TMEM164: variants seen among roughly 807,000 people sequenced by gnomAD.
The protein encoded by TMEM164 is RP13-360B22.2.
A neutral mutation model predicts 18.8 loss-of-function variants in TMEM164; 4 were observed. That is an observed-to-expected ratio of 0.21 (90% CI 0.10 to 0.49). TMEM164 has a LOEUF of 0.49. Ranked by LOEUF, TMEM164 falls within the 20% of genes least tolerant of loss-of-function variation. The pLI, the probability that TMEM164 is intolerant of heterozygous loss-of-function variation, is 0.98. For missense variants in TMEM164, 108 were observed against 239.9 expected (o/e 0.45, Z 3.63); for synonymous variants, 86 against 101.7 (o/e 0.85, Z 0.93).
intron 2 of TMEM164, among the ~76,000 whole-genome samples, chrX:110,028,982 T>C (rs184965922): frequency 2.5e-4 from 27 of 110,120 alleles, no homozygotes; most frequent in African/African-American, 9.3e-4. Flanking sequence ...TATTGTTACA[T>C]CTATTGATCA....
chrX:110,171,800 C>T (rs1006575371), intron 6 of TMEM164, among the ~76,000 whole-genome samples: 2 of 112,051 alleles, frequency 1.8e-5, no homozygotes, highest in African/African-American at 6.5e-5. Flanking sequence ...TGAGCTGCAA[C>T]TGGAAAGTGG....
chrX:110,124,508 C>T (rs1162158464), intron 4 of TMEM164, among the ~76,000 whole-genome samples: 1 of 110,449 alleles, frequency 9.1e-6, no homozygotes, highest in Non-Finnish European at 1.9e-5. Context: ...TTAGAAAGTC[C>T]AAGGAAAGAG....
intron 4 of TMEM164, among the ~76,000 whole-genome samples, chrX:110,141,571 C>T (rs2066771535): frequency 9.0e-6 from 1 of 111,582 alleles, no homozygotes; most frequent in Admixed American, 9.5e-5. Flanking sequence ...TTCACTACCA[C>T]CAGAACAGTA....
intron 3 of TMEM164, among the ~76,000 whole-genome samples, chrX:110,102,674 T>C (rs1342881386): frequency 1.8e-5 from 2 of 112,256 alleles, no homozygotes; most frequent in Non-Finnish European, 3.8e-5. Context: ...TACATGGTCT[T>C]ATTTTATTAA....
intron 2 of TMEM164, among the ~76,000 whole-genome samples, chrX:110,011,512 G>C (rs1470926539): frequency 1.3e-4 from 14 of 111,788 alleles, no homozygotes; most frequent in African/African-American, 4.6e-4. Flanking sequence ...GATGGAGGAA[G>C]GAAAGCAATT....
chrX:110,051,606 A>AAAGG lies in TMEM164; in HGVS notation c.391-15738_391-15737insGAAG. Among the ~76,000 whole-genome samples, 3 of 110,634 alleles carry AAAGG rather than the reference A, an allele frequency of 2.7e-5. No homozygotes were observed. In the Middle Eastern group the frequency reaches 0.014, roughly 519 times the overall value. On this transcript the variant is annotated intron_variant, in intron 2 of 6. Transcript: ENST00000372068. ...TTCAAAAAAAAAAAAAGAAAGAAAG[A>AAAGG]AAGAAAGAAAGAAAGAAAATCCAGT...
intron 2 of TMEM164, chrX:110,046,418 C>T (rs1935319489): frequency 2.7e-6 from 2 of 752,896 alleles, no homozygotes; most frequent in South Asian, 1.4e-4. Context: ...AAGACTGCCC[C>T]ACCTTGGCCT....
chrX:110,118,816 G>A (rs183159082), intron 4 of TMEM164, among the ~76,000 whole-genome samples: 1 of 111,582 alleles, frequency 9.0e-6, no homozygotes, highest in East Asian at 2.8e-4. Context: ...CAAAAATGGC[G>A]ACATTTGATT....
At chrX:110,124,269 G>A (rs1458602857) in intron 4 of TMEM164, among the ~76,000 whole-genome samples, 1 of 110,432 alleles carries the variant, frequency 9.1e-6, no homozygotes, top group African/African-American at 3.3e-5. Context: ...GAGGGAGAAA[G>A]GTACATCATA....
intron 2 of TMEM164, among the ~76,000 whole-genome samples, chrX:110,066,806 A>G (rs939380996): frequency 3.6e-5 from 4 of 111,833 alleles, no homozygotes; most frequent in African/African-American, 1.3e-4. Context: ...AAACAAAAGA[A>G]TCAATCAAAG....
chrX:110,085,944 T>C (rs1260444600), intron 3 of TMEM164, among the ~76,000 whole-genome samples: 1 of 112,255 alleles, frequency 8.9e-6, no homozygotes, highest in East Asian at 2.8e-4. Flanking sequence ...TCCAAATGGA[T>C]GTCCGGTTTG....
chrX:110,043,972 T>C (rs1935202653), intron 2 of TMEM164, among the ~76,000 whole-genome samples: 1 of 112,201 alleles, frequency 8.9e-6, no homozygotes, highest in Non-Finnish European at 1.9e-5. Flanking sequence ...ATAATATCCC[T>C]TGTGTGAAGG....
At chrX:110,180,330 C>T (rs930247574), downstream of TMEM164, among the ~76,000 whole-genome samples, 3 of 112,516 alleles carry the variant, frequency 2.7e-5, no homozygotes, top group African/African-American at 9.7e-5. Context: ...TGAGCTTTTC[C>T]CTTGTCCTGG....
intron 3 of TMEM164, among the ~76,000 whole-genome samples, chrX:110,092,744 C>A (rs769069134): frequency 2.7e-5 from 3 of 111,895 alleles, no homozygotes; most frequent in Admixed American, 9.5e-5. Flanking sequence ...TTCCAACACT[C>A]TGTTGAATAG....
chrX:110,144,950 C>T (rs773593265), intron 5 of TMEM164, 74 bp downstream of exon 5: 157 of 774,339 alleles, frequency 2.0e-4, no homozygotes, highest in Non-Finnish European at 2.9e-4. Flanking sequence ...GAGTCACAGC[C>T]TCTTGGGTGC....
Position 110,077,875 on chromosome X carries a change from G to A in TMEM164, c.440+10479G>A, listed in dbSNP as rs145018172. On this transcript the variant is annotated intron_variant, in intron 3 of 6. Transcript: ENST00000372068. ...GTAAGTGATCTGACCCTTTTGTCTA[G>A]CTGCCTTTAAGATTTTTTCTTTTTC... Among the ~76,000 whole-genome samples, 7 of 111,932 alleles carry A rather than the reference G, an allele frequency of 6.3e-5. No individual in the cohort carries two copies. The East Asian group carries it at 1.7e-3, about 27-fold the overall frequency.
In TMEM164 at chrX:110,003,700, C is replaced by G. The variant is rs1472361388; in HGVS notation, c.-75C>G. On this transcript the variant is annotated 5_prime_UTR_variant, in exon 2 of 7. Coordinates refer to ENST00000372068, the MANE Select transcript of TMEM164 (RefSeq NM_032227.4). ...TGTGCCCGCCTTACATGGTCCACCACCCGGGCAACCCTCTGGGCTTGTGTT... is the reference window on the plus strand; with the variant it reads ...TGTGCCCGCCTTACATGGTCCACCAGCCGGGCAACCCTCTGGGCTTGTGTT... The G allele has an allele frequency of 1.8e-6, 2 of 1,110,136 alleles. No homozygotes were observed. Among genetic ancestry groups the G allele is most frequent in the East Asian group, 6.1e-5 (2 of 32,971 alleles). 91.5% of individuals were successfully genotyped at this position (1,110,136 alleles called of 1,213,427 possible).
intron 2 of TMEM164, among the ~76,000 whole-genome samples, chrX:110,057,133 C>T (rs1269894907): frequency 9.0e-6 from 1 of 111,335 alleles, no homozygotes; most frequent in African/African-American, 3.3e-5. Context: ...CCAGGACTTA[C>T]TTGTCCTGGA....
At chrX:110,072,872 T>C (rs1252134886) in intron 3 of TMEM164, among the ~76,000 whole-genome samples, 1 of 108,852 alleles carries the variant, frequency 9.2e-6, no homozygotes, top group East Asian at 2.8e-4. Flanking sequence ...GGGTTACATG[T>C]GCAGGTTTGT....
Sources: gnomAD v4.1 joint callset for allele counts (sites outside exome capture counted in the v4.1 genomes callset) on GRCh38, gnomAD v4.1.1 for gene constraint, MANE v1.5 for transcripts, NCBI Gene and HGNC (gene_info 2026-07-23, HGNC 2026-07-21) for gene names.